CNTNAP2: variants seen among roughly 807,000 people sequenced by gnomAD.
CNTNAP2 encodes contactin-associated protein-like 2.
A neutral mutation model predicts 155.2 loss-of-function variants in CNTNAP2; 98 were observed. That is an observed-to-expected ratio of 0.63 (90% CI 0.54 to 0.75). The LOEUF (loss-of-function observed/expected upper bound fraction) is 0.75. CNTNAP2 is among the 30% of genes least tolerant of loss of function. CNTNAP2 has a pLI of 0.00. For missense variants in CNTNAP2, 1,727 were observed against 1,688.1 expected (o/e 1.02, Z -0.40); for synonymous variants, 651 against 631.2 (o/e 1.03, Z -0.47).
At chr7:146,567,939 G>A (rs1309549354) in intron 1 of CNTNAP2, among the ~76,000 whole-genome samples, 1 of 152,060 alleles carries the variant, frequency 6.6e-6, no homozygotes, top group Non-Finnish European at 1.5e-5. Flanking sequence ...CCAGGATGGT[G>A]TCTCGAAAAA....
chr7:147,065,094 T>C (rs562859711), intron 4 of CNTNAP2, among the ~76,000 whole-genome samples: 6 of 152,208 alleles, frequency 3.9e-5, no homozygotes, highest in Non-Finnish European at 5.9e-5. Flanking sequence ...ACAAGAAATC[T>C]ACTGTAATAT....
chr7:146,504,697 C>T lies in CNTNAP2; in HGVS notation c.98-269574C>T, dbSNP rs754722465. ...TCATCACACTTGCAAAAACCAGGAA[C>T]GTAGCACCTTCCAGTTATGTGGGCA... On this transcript the variant is annotated intron_variant, in intron 1 of 23. Coordinates refer to ENST00000361727, the MANE Select transcript of CNTNAP2 (RefSeq NM_014141.6). Among the ~76,000 whole-genome samples the T allele has an allele frequency of 3.9e-5, 6 of 152,166 alleles. No individual in the cohort carries two copies. In the South Asian group the frequency reaches 6.2e-4, roughly 16 times the overall value.
chr7:147,301,590 CTCTGTGTGTGTGTGTGTG>C (rs1305409295), intron 9 of CNTNAP2, among the ~76,000 whole-genome samples: 63 of 111,634 alleles, frequency 5.6e-4, no homozygotes, highest in Admixed American at 1.3e-3. Context: ...CTCTCTCTCT[CTCTGTGTGTGTGTGTGTG>C]TGTGTGTGTG....
intron 11 of CNTNAP2, among the ~76,000 whole-genome samples, chr7:147,551,072 T>G (rs1799844125): frequency 6.6e-6 from 1 of 152,200 alleles, no homozygotes; most frequent in Non-Finnish European, 1.5e-5. Context: ...GATATGGTTC[T>G]TATGTGCATT....
chr7:147,570,583 T>C (rs1472827300), intron 12 of CNTNAP2, among the ~76,000 whole-genome samples: 4 of 152,228 alleles, frequency 2.6e-5, no homozygotes, highest in African/African-American at 9.6e-5. Flanking sequence ...GGTACCTGCA[T>C]ACATAATTGA....
At chr7:147,983,875 C>A (rs1421792941) in intron 15 of CNTNAP2, among the ~76,000 whole-genome samples, 3 of 152,034 alleles carry the variant, frequency 2.0e-5, no homozygotes, top group East Asian at 3.9e-4. Flanking sequence ...CCATTTAGAC[C>A]TTTAAAAGGT....
At chr7:148,134,191 G>C (rs918111235) in intron 16 of CNTNAP2, among the ~76,000 whole-genome samples, 1 of 152,176 alleles carries the variant, frequency 6.6e-6, no homozygotes, top group Non-Finnish European at 1.5e-5. Context: ...GCATCTCTGA[G>C]TTTGATTCCT....
chr7:147,346,164 T>TGAGACAGAGTC, intron 9 of CNTNAP2, among the ~76,000 whole-genome samples: 1 of 144,934 alleles, frequency 6.9e-6, no homozygotes, highest in Non-Finnish European at 1.5e-5. Flanking sequence ...TTTTTTTTTT[T>TGAGACAGAGTC]TGAGACAGAG....
chr7:147,842,398 A>G (rs2116654149), intron 13 of CNTNAP2, among the ~76,000 whole-genome samples: 1 of 152,330 alleles, frequency 6.6e-6, no homozygotes. Context: ...ATTTCCACAT[A>G]TTCTATGTTA....
chr7:147,937,231 A>G (rs1800627910), intron 14 of CNTNAP2, among the ~76,000 whole-genome samples: 1 of 152,160 alleles, frequency 6.6e-6, no homozygotes, highest in Non-Finnish European at 1.5e-5. Context: ...GTGATCAGCT[A>G]CTTTTAGAAT....
chr7:147,181,346 A>C (rs1240828455), intron 8 of CNTNAP2, among the ~76,000 whole-genome samples: 1 of 152,200 alleles, frequency 6.6e-6, no homozygotes, highest in Non-Finnish European at 1.5e-5. Flanking sequence ...GCATATTTTA[A>C]AGATTAGAAT....
chr7:146,767,416 C>T (rs1378950423), intron 1 of CNTNAP2, among the ~76,000 whole-genome samples: 1 of 152,156 alleles, frequency 6.6e-6, no homozygotes, highest in Non-Finnish European at 1.5e-5. Flanking sequence ...GCGTGCATAT[C>T]TAAATATCTG....
intron 9 of CNTNAP2, among the ~76,000 whole-genome samples, chr7:147,329,879 C>G (rs1795526166): frequency 6.6e-6 from 1 of 152,112 alleles, no homozygotes; most frequent in African/African-American, 2.4e-5. Context: ...AGAGGCAACC[C>G]TAAGCCATTA....
At chr7:147,273,370 T>A (rs1362341436) in intron 8 of CNTNAP2, among the ~76,000 whole-genome samples, 1 of 152,172 alleles carries the variant, frequency 6.6e-6, no homozygotes, top group Non-Finnish European at 1.5e-5. Context: ...TTATTATTTT[T>A]ATTTTAGATT....
intron 15 of CNTNAP2, among the ~76,000 whole-genome samples, chr7:148,098,970 C>G (rs1804033656): frequency 6.6e-6 from 1 of 152,164 alleles, no homozygotes; most frequent in South Asian, 2.1e-4. Context: ...GTTTATTGGC[C>G]ATCTGTCCCC....
At chr7:146,634,496 G>T (rs115842361) in intron 1 of CNTNAP2, among the ~76,000 whole-genome samples, 2,918 of 152,088 alleles carry the variant, frequency 0.019, 108 homozygotes, top group African/African-American at 0.065. Flanking sequence ...TATATTGATT[G>T]CTCCCACTTT....
At chr7:146,824,427 G>C (rs1740387077) in intron 2 of CNTNAP2, among the ~76,000 whole-genome samples, 1 of 152,086 alleles carries the variant, frequency 6.6e-6, no homozygotes, top group Non-Finnish European at 1.5e-5. Flanking sequence ...TGGGTCAAAT[G>C]GTATTTCTGG....
chr7:148,415,931 T>TAAAG lies in CNTNAP2; in HGVS notation c.*317_*320dup, dbSNP rs1304930856. The TAAAG allele has an allele frequency of 7.6e-6, 3 of 394,234 alleles. No individual in the cohort carries two copies. The highest frequency in any genetic ancestry group is 1.4e-5 in the Non-Finnish European group (3 of 220,300). 24.4% of individuals were successfully genotyped at this position (394,234 alleles called of 1,614,324 possible). ...ATTTTGTGTGTGTTTAGAGGTGTTCTAAAGACCCGTGGTAACAGGGCAAGT... is the reference window on the plus strand; with the variant it reads ...ATTTTGTGTGTGTTTAGAGGTGTTCTAAAGAAAGACCCGTGGTAACAGGGCAAGT... On this transcript the variant is annotated 3_prime_UTR_variant, in exon 24 of 24. Coordinates refer to ENST00000361727, the MANE Select transcript of CNTNAP2 (RefSeq NM_014141.6).
At chr7:147,900,341 T>TGATAGTGAGGAAGTTCTCAC (rs1799847227) in intron 13 of CNTNAP2, among the ~76,000 whole-genome samples, 1 of 152,184 alleles carries the variant, frequency 6.6e-6, no homozygotes, top group Non-Finnish European at 1.5e-5. Context: ...GCTGTTCTCA[T>TGATAGTGAGGAAGTTCTCAC]GATAGTGAGG....
Sources: allele counts gnomAD v4.1 joint callset (sites outside exome capture counted in the v4.1 genomes callset), GRCh38; gene constraint gnomAD v4.1.1; transcripts MANE v1.5; gene names NCBI Gene and HGNC (gene_info 2026-07-23, HGNC 2026-07-21).